MSH3: variants seen among roughly 807,000 people sequenced by gnomAD.
The protein encoded by MSH3 is mutS homolog 3.
MSH3 carries 106 observed loss-of-function variants against 123.3 expected under a neutral mutation model. The ratio of observed to expected loss-of-function variants is 0.86; its 90% CI spans 0.73 to 1.01. MSH3 has a LOEUF of 1.01. MSH3 is among the 50% of genes least tolerant of loss of function. The probability of loss-of-function intolerance (pLI) is 0.00; values close to 1 mark genes in which losing one functional copy is unlikely to be tolerated. For missense variants in MSH3, 1,459 were observed against 1,347.6 expected, an observed-to-expected ratio of 1.08 and a Z score of -1.29; for synonymous variants, 515 against 481.4, an observed-to-expected ratio of 1.07 and a Z score of -0.91.
At chr5:80,658,600 A>T (rs1423899588) in intron 2 of MSH3, among the ~76,000 whole-genome samples, 1 of 151,652 alleles carries the variant, frequency 6.6e-6, no homozygotes, top group Non-Finnish European at 1.5e-5. Context: ...ACTTCAGTTT[A>T]TTTTATTTTT....
In MSH3 at chr5:80,830,741, G is replaced by A. The variant is rs557286323; in HGVS notation, c.2813+17000G>A. Reference sequence around the variant, plus strand: ...TTGAAGGAAAATACCTGTGTCCTTCGTAAGTGTCCTACACATGCTTTATAG... The same window carrying A: ...TTGAAGGAAAATACCTGTGTCCTTCATAAGTGTCCTACACATGCTTTATAG... On this transcript the variant is annotated intron_variant, in intron 20 of 23. Coordinates refer to ENST00000265081, the MANE Select transcript of MSH3 (RefSeq NM_002439.5). 2.6e-5 allele frequency among the ~76,000 whole-genome samples: 4 copies of A among 152,292 alleles called. No homozygotes were observed. The East Asian group carries it at 5.8e-4, about 22-fold the overall frequency.
chr5:80,780,929 AT>A (rs1744399579), intron 17 of MSH3, among the ~76,000 whole-genome samples: 1 of 152,174 alleles, frequency 6.6e-6, no homozygotes, highest in South Asian at 2.1e-4. Context: ...GCTTTATTGT[AT>A]TTCAAGTAAT....
At chr5:80,693,490 C>A (rs906041747) in intron 8 of MSH3, among the ~76,000 whole-genome samples, 1 of 148,672 alleles carries the variant, frequency 6.7e-6, no homozygotes, top group Non-Finnish European at 1.5e-5. Flanking sequence ...TATAAATATG[C>A]ACATGTATAT....
chr5:80,655,235 T>G, intron 1 of MSH3: 1 of 327,334 alleles, frequency 3.1e-6, no homozygotes, highest in Non-Finnish European at 5.5e-6. Flanking sequence ...CTGACTCCCA[T>G]TCTGATGAGG....
chr5:80,678,834 AT>A, intron 7 of MSH3, 92 bp from the exon 8 acceptor site: 2 of 1,394,188 alleles, frequency 1.4e-6, no homozygotes, highest in Non-Finnish European at 2.0e-6. Context: ...TCCTGAGTGT[AT>A]CATCTTTACT....
At chr5:80,803,063 G>A (rs1744820629) in intron 19 of MSH3, among the ~76,000 whole-genome samples, 1 of 124,518 alleles carries the variant, frequency 8.0e-6, no homozygotes, top group Non-Finnish European at 1.7e-5. Flanking sequence ...TCAATATACT[G>A]ATTTCCTTTC....
intron 19 of MSH3, among the ~76,000 whole-genome samples, chr5:80,804,633 G>A (rs1300318765): frequency 6.6e-6 from 1 of 152,150 alleles, no homozygotes; most frequent in Non-Finnish European, 1.5e-5. Flanking sequence ...CCAAACAAAC[G>A]GAGCCTGTCT....
chr5:80,828,354 C>CG (rs1369095873), intron 20 of MSH3, among the ~76,000 whole-genome samples: 1 of 152,116 alleles, frequency 6.6e-6, no homozygotes, highest in African/African-American at 2.4e-5. Flanking sequence ...TGGATTAATC[C>CG]ATTCATAAGG....
At chr5:80,720,879 T>C (rs1751066546) in intron 8 of MSH3, among the ~76,000 whole-genome samples, 2 of 152,192 alleles carry the variant, frequency 1.3e-5, no homozygotes, top group South Asian at 4.1e-4. Context: ...CAAGTATTAT[T>C]TATAAACAGT....
chr5:80,863,653 C>T (rs1456029311), intron 21 of MSH3, among the ~76,000 whole-genome samples: 5 of 148,724 alleles, frequency 3.4e-5, no homozygotes, highest in East Asian at 2.0e-4. Context: ...AGTGACACTC[C>T]GTCTCAAAAA....
chr5:80,771,078 G>C (rs1744206440), intron 15 of MSH3, among the ~76,000 whole-genome samples: 1 of 152,058 alleles, frequency 6.6e-6, no homozygotes, highest in South Asian at 2.1e-4. Context: ...TCTTCTCTAG[G>C]ATTTTAGTAG....
chr5:80,675,922 ATAGT>A (rs1243215304), intron 7 of MSH3, among the ~76,000 whole-genome samples: 1 of 152,228 alleles, frequency 6.6e-6, no homozygotes, highest in Non-Finnish European at 1.5e-5. Flanking sequence ...GGAGGAGGGG[ATAGT>A]TAAAGAGAAA....
intron 10 of MSH3, among the ~76,000 whole-genome samples, chr5:80,740,206 A>G (rs1406020759): frequency 2.6e-5 from 4 of 152,202 alleles, no homozygotes; most frequent in Non-Finnish European, 5.9e-5. Context: ...GCTCATTCTC[A>G]AATCTTTTTG....
intron 19 of MSH3, among the ~76,000 whole-genome samples, chr5:80,801,433 A>C (rs186675066): frequency 5.9e-5 from 9 of 152,284 alleles, no homozygotes; most frequent in Non-Finnish European, 1.3e-4. Context: ...TCGTGCTGGC[A>C]GTCTCTTAGG....
rs1284695665 is a variant in MSH3 at position 80,875,763 on chromosome 5, G to A, written c.3315G>A (p.Lys1105=). 1.2e-6 allele frequency: 2 copies of A among 1,610,924 alleles called. No individual in the cohort carries two copies. The highest frequency in any genetic ancestry group is 3.3e-5 in the Admixed American group (2 of 60,004). Residue 1105 remains lysine, a synonymous_variant, in exon 24 of 24, where the codon AAG becomes AAA. Transcript: ENST00000265081. ...GLINTKRKRL[K]YFAKLWTMHN... ...GATTTTTCCCCAGAAAGAGACTCAAGTATTTTGCAAAGTTATGGACGATGC... is the reference window on the plus strand; with the variant it reads ...GATTTTTCCCCAGAAAGAGACTCAAATATTTTGCAAAGTTATGGACGATGC...
At chr5:80,728,582 G>A (rs985082892) in intron 9 of MSH3, among the ~76,000 whole-genome samples, 4 of 151,804 alleles carry the variant, frequency 2.6e-5, no homozygotes, top group African/African-American at 9.7e-5. Context: ...TTTACATTTT[G>A]AAAAAACAAC....
At chr5:80,834,997 G>A (rs1745484107) in intron 20 of MSH3, among the ~76,000 whole-genome samples, 1 of 152,146 alleles carries the variant, frequency 6.6e-6, no homozygotes, top group Non-Finnish European at 1.5e-5. Flanking sequence ...TATAAAATAG[G>A]AGTATAAAAT....
At chr5:80,784,736 T>C (rs754081622) in intron 17 of MSH3, among the ~76,000 whole-genome samples, 1 of 152,218 alleles carries the variant, frequency 6.6e-6, no homozygotes, top group Non-Finnish European at 1.5e-5. Context: ...TGTCTGATGC[T>C]AGGGGCCTGT....
intron 8 of MSH3, among the ~76,000 whole-genome samples, chr5:80,681,086 A>G (rs1749960991): frequency 6.6e-6 from 1 of 152,134 alleles, no homozygotes; most frequent in African/African-American, 2.4e-5. Flanking sequence ...AGTATAGTCT[A>G]GGAGGGTTCT....
Sources: gnomAD v4.1 joint callset for allele counts (sites outside exome capture counted in the v4.1 genomes callset) on GRCh38, gnomAD v4.1.1 for gene constraint, MANE v1.5 for transcripts, NCBI Gene and HGNC (gene_info 2026-07-23, HGNC 2026-07-21) for gene names.